The following ITPR3 variants were observed in gnomAD, a reference collection of about 807,000 sequenced individuals.
The protein encoded by ITPR3 is inositol 1,4,5-trisphosphate-gated calcium channel ITPR3.
ITPR3 carries 173 observed loss-of-function variants against 293.2 expected under a neutral mutation model. That is an observed-to-expected ratio of 0.59 (90% CI 0.52 to 0.67). The LOEUF is 0.67. Ranked by LOEUF, ITPR3 falls within the 30% of genes least tolerant of loss-of-function variation. The probability of loss-of-function intolerance (pLI) is 0.00; values close to 1 mark genes in which losing one functional copy is unlikely to be tolerated. For missense variants in ITPR3, 2,796 were observed against 3,592.1 expected, an observed-to-expected ratio of 0.78 and a Z score of 5.66; for synonymous variants, 1,295 against 1,444.4, an observed-to-expected ratio of 0.90 and a Z score of 2.35.
chr6:33,649,946 T>C (rs1350909822), intron 2 of ITPR3, among the ~76,000 whole-genome samples: 1 of 152,182 alleles, frequency 6.6e-6, no homozygotes, highest in South Asian at 2.1e-4. Context: ...TAGTCAGTAT[T>C]GGATGAATGT....
Position 33,668,623 on chromosome 6 carries a change from C to T in ITPR3, c.1995C>T (p.Leu665=). 3 of 1,614,230 alleles carry T rather than the reference C, an allele frequency of 1.9e-6. No homozygotes were observed. Among genetic ancestry groups the T allele is most frequent in the Non-Finnish European group, 2.5e-6 (3 of 1,180,032 alleles). The part of the protein sequence containing the change: ...CVLDPKNSDI[L]IRTELRPVKE... ...TGGACCCCAAGAACAGTGACATTCTCATCCGGACCGAGTGAGCCCTGTGCC... is the reference window on the plus strand; with the variant it reads ...TGGACCCCAAGAACAGTGACATTCTTATCCGGACCGAGTGAGCCCTGTGCC... Residue 665 remains leucine, a synonymous_variant, in exon 17 of 58, where the codon CTC becomes CTT. Transcript: ENST00000605930.
At position 33,687,396 on chromosome 6, in the gene ITPR3, T is replaced by TCGCCATCAC; in HGVS notation, c.6177+70_6177+71insGCCATCACC. ...CCATACCCCGCCCCAGCTGCCATCA[T>TCGCCATCAC]CCCCCAGTCGCCATTGTCGCCCCCC... On this transcript the variant is annotated intron_variant, in intron 45 of 57. Coordinates refer to ENST00000605930, the MANE Select transcript of ITPR3 (RefSeq NM_002224.4). The surrounding 1 kb of genome is among the most constrained non-coding windows in gnomAD (Gnocchi z 5.3). 6.9e-7 allele frequency: 1 copy of TCGCCATCAC among 1,455,456 alleles called. No individual in the cohort carries two copies. The highest frequency in any genetic ancestry group is 2.4e-5 in the East Asian group (1 of 41,956). 90.2% of individuals were successfully genotyped at this position (1,455,456 alleles called of 1,614,324 possible).
At chr6:33,669,969 C>T (rs1764712453) in intron 18 of ITPR3, among the ~76,000 whole-genome samples, 1 of 152,040 alleles carries the variant, frequency 6.6e-6, no homozygotes, top group African/African-American at 2.4e-5. Flanking sequence ...CCCCTTTCAC[C>T]ACCTCCCCAC....
Position 33,688,908 on chromosome 6 carries a change from T to G in ITPR3, c.6694+127T>G, listed in dbSNP as rs1765314074. On this transcript the variant is annotated intron_variant, in intron 49 of 57. Coordinates refer to ENST00000605930, the MANE Select transcript of ITPR3 (RefSeq NM_002224.4). ...ATGCAGAGTGTGCAGAAGCACCCCC[T>G]GCGCCATCCTGTGGGCTCTCGCCCC... 3 of 1,271,466 alleles carry G rather than the reference T, an allele frequency of 2.4e-6. No individual in the cohort carries two copies. The East Asian group carries it at 7.0e-5, about 30-fold the overall frequency. 78.8% of individuals were successfully genotyped at this position (1,271,466 alleles called of 1,614,324 possible).
chr6:33,694,868 T>A, intron 56 of ITPR3, 56 bp from the exon 57 acceptor site: 1 of 1,608,276 alleles, frequency 6.2e-7, no homozygotes, highest in Non-Finnish European at 8.5e-7. Flanking sequence ...TTTTTCTAAA[T>A]GAGGCCTTTC....
chr6:33,690,780 A>C, intron 51 of ITPR3, 137 bp from the exon 52 acceptor site: 1 of 722,270 alleles, frequency 1.4e-6, no homozygotes, highest in East Asian at 2.7e-5. Context: ...GGATACGACT[A>C]AGTGCAGACC....
At chr6:33,686,947 G>A in intron 43 of ITPR3, 62 bp from the exon 44 acceptor site, 1 of 1,302,656 alleles carries the variant, frequency 7.7e-7, no homozygotes, top group Non-Finnish European at 1.1e-6. Flanking sequence ...GAATGAGGGA[G>A]AAGTTGTCAG....
chr6:33,659,186 C>T (rs972455628), intron 6 of ITPR3, 67 bp downstream of exon 6: 1 of 1,406,790 alleles, frequency 7.1e-7, no homozygotes, highest in South Asian at 1.2e-5. Context: ...TGTAGACACC[C>T]CGCTCCCTGC....
rs1229717559 is a variant in ITPR3 at position 33,687,005 on chromosome 6, C to T, written c.5980-4C>T. 4 of 1,613,236 alleles carry T rather than the reference C, an allele frequency of 2.5e-6. No homozygotes were observed. The highest frequency in any genetic ancestry group is 1.3e-5 in the African/African-American group (1 of 74,864). ...GGCCTGCCTCCCTCTGCCCCTCCAC[C>T]CAGGACAATGCCTCCAAGCTGCTCC... On this transcript the variant is annotated splice_polypyrimidine_tract_variant and splice_region_variant and intron_variant, in intron 43 of 57. Transcript: ENST00000605930. This position sits in a 1 kb window ranked among gnomAD's most constrained non-coding sequence, Gnocchi z 5.3.
chr6:33,688,877 C>G lies in ITPR3; in HGVS notation c.6694+96C>G, dbSNP rs11759396. 741,673 of 1,513,716 alleles carry G rather than the reference C, an allele frequency of 0.49. 194,974 individuals are homozygous for G. Among genetic ancestry groups the G allele is most frequent in the East Asian group, 0.87 (38,491 of 44,294 alleles). 93.8% of individuals were successfully genotyped at this position (1,513,716 alleles called of 1,614,324 possible). On this transcript the variant is annotated intron_variant, in intron 49 of 57. Coordinates refer to ENST00000605930, the MANE Select transcript of ITPR3 (RefSeq NM_002224.4). ...CTTGAGGCCAGCTGGCCTCTGAGGG[C>G]ACCAGATGCAGAGTGTGCAGAAGCA...
intron 2 of ITPR3, among the ~76,000 whole-genome samples, chr6:33,649,422 T>C (rs1764139183): frequency 6.6e-6 from 1 of 152,034 alleles, no homozygotes. Flanking sequence ...ACTGAGTTTC[T>C]CCATGTTGGT....
rs1308373481 is a variant in ITPR3 at position 33,655,220 on chromosome 6, C to T, written c.161-546C>T. 6.6e-6 allele frequency among the ~76,000 whole-genome samples: 1 copy of T among 152,134 alleles called. No homozygotes were observed. Among genetic ancestry groups the T allele is most frequent in the African/African-American group, 2.4e-5 (1 of 41,418 alleles). ...AAGGGTGTGGTTTCAGTGGAAGATG[C>T]GCCTCAGCCTGACCCCTCGGGGAGC... is the stretch of plus-strand genomic sequence containing the variant. On this transcript the variant is annotated intron_variant, in intron 2 of 57. Coordinates refer to ENST00000605930, the MANE Select transcript of ITPR3 (RefSeq NM_002224.4). This position sits in a 1 kb window ranked among gnomAD's most constrained non-coding sequence, Gnocchi z 4.9.
At position 33,633,915 on chromosome 6, in the gene ITPR3, C is replaced by T. The variant is rs1056197845; in HGVS notation, c.90-6569C>T. ...CTCCGGAGCCGCGCGGACCCAGAAC[C>T]GCTCCCACCACGCAGCGATGGGGAG... is the stretch of plus-strand genomic sequence containing the variant. On this transcript the variant is annotated intron_variant, in intron 1 of 57. Coordinates refer to ENST00000605930, the MANE Select transcript of ITPR3 (RefSeq NM_002224.4). The surrounding 1 kb of genome is among the most constrained non-coding windows in gnomAD (Gnocchi z 5.2). Among the ~76,000 whole-genome samples the T allele has an allele frequency of 3.3e-5, 5 of 151,632 alleles. No homozygotes were observed. The highest frequency in any genetic ancestry group is 2.6e-4 in the Admixed American group (4 of 15,244).
intron 2 of ITPR3, among the ~76,000 whole-genome samples, chr6:33,649,188 C>T (rs1399411106): frequency 6.6e-6 from 1 of 152,178 alleles, no homozygotes; most frequent in Non-Finnish European, 1.5e-5. Flanking sequence ...CAGGTGTGAG[C>T]CATTGCGCCT....
Position 33,680,884 on chromosome 6 carries a change from G to A in ITPR3, c.4476+204G>A, listed in dbSNP as rs9469556. On this transcript the variant is annotated intron_variant, in intron 33 of 57. Coordinates refer to ENST00000605930, the MANE Select transcript of ITPR3 (RefSeq NM_002224.4). ...CGCCCAGGCTGGAGTGCAGTGGCGC[G>A]ATCTCTGCTTACTGCAAGCTCTGCC... is the stretch of plus-strand genomic sequence containing the variant. Among the ~76,000 whole-genome samples the A allele has an allele frequency of 0.22, 32,122 of 148,114 alleles. 4,607 individuals carry two copies. Among genetic ancestry groups the A allele is most frequent in the East Asian group, 0.63 (3,165 of 5,050 alleles).
rs764719683 is a variant in ITPR3 at position 33,680,106 on chromosome 6, G to A, written c.4197G>A (p.Val1399=). 6.2e-7 allele frequency: 1 copy of A among 1,613,626 alleles called. No individual in the cohort carries two copies. The highest frequency in any genetic ancestry group is 1.1e-5 in the South Asian group (1 of 91,084). Residue 1399 remains valine, a synonymous_variant, in exon 31 of 58, where the codon GTG becomes GTA. Transcript: ENST00000605930. ...TGCCGCTGGAGGACGTGGTGTCTGT[G>A]GTGACGCATGAGGACTGCATCACTG... The part of the protein sequence containing the change: ...SLLPLEDVVS[V]VTHEDCITEV...
chr6:33,643,858 T>C (rs1050788457), intron 2 of ITPR3, among the ~76,000 whole-genome samples: 2 of 152,190 alleles, frequency 1.3e-5, no homozygotes, highest in South Asian at 2.1e-4. Flanking sequence ...CGGCTTATTG[T>C]TATTGTGATT....
chr6:33,689,125 G>A lies in ITPR3; in HGVS notation c.6695-113G>A. On this transcript the variant is annotated intron_variant, in intron 49 of 57. Transcript: ENST00000605930. The stretch of plus-strand genomic sequence containing the variant: ...GGAGGAGGCTAAAACCAGGCACCAG[G>A]AACTTAACCGGGAAGGCGGCCAGGA... The A allele has an allele frequency of 2.4e-6, 3 of 1,260,204 alleles. No homozygotes were observed. In the South Asian group the frequency reaches 4.0e-5, roughly 17 times the overall value. The allele number at this position is 1,260,204 out of a possible 1,614,324, so 78.1% of individuals were successfully genotyped here. A position where few individuals can be genotyped will look rare whatever the true frequency, so the allele number is the denominator to read the frequency against.
chr6:33,631,122 G>T (rs192334784), intron 1 of ITPR3, among the ~76,000 whole-genome samples: 182 of 152,368 alleles, frequency 1.2e-3, no homozygotes, highest in African/African-American at 3.9e-3. Flanking sequence ...GCCTCCTTGG[G>T]GCTGGCCTGC....
Sources: gnomAD v4.1 joint callset for allele counts (sites outside exome capture counted in the v4.1 genomes callset) on GRCh38, gnomAD v4.1.1 for gene constraint, Gnocchi (gnomAD v3.1) non-coding constraint, MANE v1.5 for transcripts, NCBI Gene and HGNC (gene_info 2026-07-23, HGNC 2026-07-21) for gene names.